Variants in PIP4K2A observed in about 807,000 individuals in gnomAD.
PIP4K2A encodes the protein phosphatidylinositol 5-phosphate 4-kinase type-2 alpha.
PIP4K2A carries 14 observed loss-of-function variants against 42.9 expected under a neutral mutation model. That is an observed-to-expected ratio of 0.33 (90% confidence interval 0.22 to 0.51). The LOEUF (loss-of-function observed/expected upper bound fraction) is 0.51. Among genes scored for constraint, PIP4K2A ranks in the 20% least tolerant of loss-of-function variants. PIP4K2A has a pLI of 0.97. For synonymous variants in PIP4K2A, 192 were observed against 192.2 expected (o/e 1.00, Z 0.01); for missense variants, 434 against 519.8 (o/e 0.83, Z 1.61).
intron 1 of PIP4K2A, among the ~76,000 whole-genome samples, chr10:22,657,647 T>C (rs545849624): frequency 6.6e-6 from 1 of 152,244 alleles, no homozygotes; most frequent in Admixed American, 6.5e-5. Context: ...TTGATATAAA[T>C]GTCTTCTGAA....
intron 3 of PIP4K2A, among the ~76,000 whole-genome samples, chr10:22,604,204 G>T (rs1016358106): frequency 4.6e-5 from 7 of 152,068 alleles, no homozygotes; most frequent in Admixed American, 3.9e-4. Flanking sequence ...GAGAAAGCAG[G>T]AATGTTTTCA....
rs71394001 is a variant in PIP4K2A at position 22,561,565 on chromosome 10, GTTTTTTTTT to G, written c.678+6277_678+6285del. On this transcript the variant is annotated intron_variant, in intron 6 of 9. Coordinates refer to ENST00000376573, the MANE Select transcript of PIP4K2A (RefSeq NM_005028.5). ...TATGTCACCAGAGATTCTCTACGCA[GTTTTTTTTT>G]TTTTTTTTTTTTTTTTTCTGAGACA... 2.1e-4 allele frequency among the ~76,000 whole-genome samples: 24 copies of G among 113,498 alleles called. 1 individual carries two copies. In the East Asian group the frequency reaches 3.7e-3, roughly 18 times the overall value. 74.5% of individuals were successfully genotyped at this position (113,498 alleles called of 152,430 possible).
At chr10:22,678,949 G>A (rs1839612211) in intron 1 of PIP4K2A, among the ~76,000 whole-genome samples, 1 of 152,114 alleles carries the variant, frequency 6.6e-6, no homozygotes, top group African/African-American at 2.4e-5. Flanking sequence ...TAAAAATACA[G>A]CAGAATGAGC....
rs555408768 is a variant in PIP4K2A, at chr10:22,665,867, T to C, written c.144+48316A>G. Among the ~76,000 whole-genome samples the C allele has an allele frequency of 7.2e-5, 11 of 151,830 alleles. No homozygotes were observed. In the South Asian group the frequency reaches 2.3e-3, roughly 32 times the overall value. ...ACACATACATATATATACATATATA[T>C]ACACACACACAGTTTTACTAATCAG... On this transcript the variant is annotated intron_variant, in intron 1 of 9. Transcript: ENST00000376573.
chr10:22,555,259 T>G (rs1356987202), intron 6 of PIP4K2A, among the ~76,000 whole-genome samples: 4 of 152,100 alleles, frequency 2.6e-5, no homozygotes. Flanking sequence ...ACTCCAATTA[T>G]TAGCTATGTG....
chr10:22,697,829 A>G (rs1840000916), intron 1 of PIP4K2A, among the ~76,000 whole-genome samples: 1 of 152,180 alleles, frequency 6.6e-6, no homozygotes, highest in Non-Finnish European at 1.5e-5. Flanking sequence ...ACATTTTCTG[A>G]AACGGTTCAT....
intron 4 of PIP4K2A, among the ~76,000 whole-genome samples, chr10:22,587,441 G>A (rs73598572): frequency 0.068 from 10,300 of 152,214 alleles, 1,135 homozygotes; most frequent in African/African-American, 0.23. Flanking sequence ...CAGAAGAAAT[G>A]ATGATCACTA....
chr10:22,693,727 G>C (rs1035478162), intron 1 of PIP4K2A, among the ~76,000 whole-genome samples: 1 of 152,052 alleles, frequency 6.6e-6, no homozygotes, highest in Admixed American at 6.6e-5. Flanking sequence ...TGCTGCGTTG[G>C]GAGACATAAT....
At chr10:22,572,795 G>C (rs1837021376) in intron 5 of PIP4K2A, among the ~76,000 whole-genome samples, 1 of 152,064 alleles carries the variant, frequency 6.6e-6, no homozygotes, top group African/African-American at 2.4e-5. Context: ...AATGGTCTCT[G>C]TACTTACAGT....
chr10:22,611,974 A>T (rs564221325), intron 1 of PIP4K2A, among the ~76,000 whole-genome samples: 2 of 152,340 alleles, frequency 1.3e-5, no homozygotes, highest in African/African-American at 4.8e-5. Context: ...AGGCTGCTTA[A>T]ATCAGTATCA....
At position 22,577,490 on chromosome 10, in the gene PIP4K2A, C is replaced by A. The variant is rs771999705; in HGVS notation, c.493-4033G>T. ...CTCGCCAAGCCATGCCAGCTCCCTA[C>A]TGCCTTCCAACATGAGTAGAAGCTT... On this transcript the variant is annotated intron_variant, in intron 4 of 9. Coordinates refer to ENST00000376573, the MANE Select transcript of PIP4K2A (RefSeq NM_005028.5). 4.9e-4 allele frequency among the ~76,000 whole-genome samples: 75 copies of A among 152,324 alleles called. No homozygotes were observed. The Middle Eastern group carries it at 0.017, about 35-fold the overall frequency.
At chr10:22,620,620 A>T (rs543382273) in intron 1 of PIP4K2A, among the ~76,000 whole-genome samples, 2 of 152,308 alleles carry the variant, frequency 1.3e-5, no homozygotes, top group South Asian at 2.1e-4. Context: ...TTACATACAA[A>T]TTTGGATTTC....
At chr10:22,679,426 G>T in intron 1 of PIP4K2A, among the ~76,000 whole-genome samples, 1 of 152,262 alleles carries the variant, frequency 6.6e-6, no homozygotes, top group East Asian at 1.9e-4. Context: ...TCAAGTATTG[G>T]CATGGATGCA....
In PIP4K2A at chr10:22,642,807, C is replaced by A. The variant is rs114052535; in HGVS notation, c.145-33090G>T. On this transcript the variant is annotated intron_variant, in intron 1 of 9. Transcript: ENST00000376573. Reference sequence around the variant, plus strand: ...GTCCAGGTAAGAGAAGGAAATTGGTCTTGTTCATTCTAACCTCCAACAATC... The same window carrying A: ...GTCCAGGTAAGAGAAGGAAATTGGTATTGTTCATTCTAACCTCCAACAATC... Among the ~76,000 whole-genome samples the A allele has an allele frequency of 7.3e-3, 1,114 of 152,140 alleles. 10 individuals are homozygous for A. The highest frequency in any genetic ancestry group is 0.026 in the African/African-American group (1,066 of 41,506).
At chr10:22,609,891 C>A (rs1363632642) in intron 1 of PIP4K2A, among the ~76,000 whole-genome samples, 174 bp from the exon 2 acceptor site, 4 of 151,910 alleles carry the variant, frequency 2.6e-5, no homozygotes, top group Non-Finnish European at 4.4e-5. Flanking sequence ...CTTCCTCATT[C>A]CCACTTCTTA....
chr10:22,576,270 C>T (rs1009609127), intron 4 of PIP4K2A, among the ~76,000 whole-genome samples: 1 of 152,200 alleles, frequency 6.6e-6, no homozygotes, highest in Non-Finnish European at 1.5e-5. Flanking sequence ...TTAACTGGGT[C>T]TGTGAATGCC....
intron 7 of PIP4K2A, among the ~76,000 whole-genome samples, chr10:22,543,461 G>A (rs1174756775): frequency 1.3e-5 from 2 of 152,210 alleles, no homozygotes; most frequent in East Asian, 1.9e-4. Context: ...TTTAAAAATA[G>A]AGGCAAACCC....
At chr10:22,673,854 C>T (rs1196404231) in intron 1 of PIP4K2A, among the ~76,000 whole-genome samples, 1 of 152,148 alleles carries the variant, frequency 6.6e-6, no homozygotes, top group African/African-American at 2.4e-5. Context: ...TTCAGTAATA[C>T]ACTGGATGGC....
chr10:22,637,506 A>T (rs899883223), intron 1 of PIP4K2A, among the ~76,000 whole-genome samples: 1 of 152,236 alleles, frequency 6.6e-6, no homozygotes, highest in Non-Finnish European at 1.5e-5. Context: ...CACATGCTGC[A>T]TAACTTAGCC....
Sources: allele counts gnomAD v4.1 joint callset (sites outside exome capture counted in the v4.1 genomes callset), GRCh38; gene constraint gnomAD v4.1.1; transcripts MANE v1.5; gene names NCBI Gene and HGNC (gene_info 2026-07-23, HGNC 2026-07-21).